Variants in ZNRF3 observed in about 807,000 individuals in gnomAD.
The protein encoded by ZNRF3 is zinc and ring finger 3, also known as E3 ubiquitin-protein ligase ZNRF3.
ZNRF3 carries 23 observed loss-of-function variants against 72.5 expected under a neutral mutation model. That is an observed-to-expected ratio of 0.32 (90% CI 0.23 to 0.45). The LOEUF is 0.45. Among genes scored for constraint, ZNRF3 ranks in the 20% least tolerant of loss-of-function variants. ZNRF3 has a pLI of 1.00. For missense variants in ZNRF3, 1,169 were observed against 1,272.1 expected (o/e 0.92, Z 1.23); for synonymous variants, 610 against 545.3 (o/e 1.12, Z -1.65).
At chr22:29,040,125 T>C (rs892190296) in intron 2 of ZNRF3, among the ~76,000 whole-genome samples, 2 of 151,628 alleles carry the variant, frequency 1.3e-5, no homozygotes, top group African/African-American at 4.8e-5. Flanking sequence ...TGACCAAGGC[T>C]GGGAATTTAG....
intron 1 of ZNRF3, among the ~76,000 whole-genome samples, chr22:28,945,151 A>G (rs993554318): frequency 3.5e-5 from 5 of 142,762 alleles, no homozygotes; most frequent in Admixed American, 2.7e-4. Flanking sequence ...CCCTGTCTCA[A>G]AAAAAAAAAA....
At chr22:29,044,701 G>T in intron 4 of ZNRF3, 79 bp from the exon 5 acceptor site, 1 of 1,001,072 alleles carries the variant, frequency 1.0e-6, no homozygotes, top group South Asian at 1.3e-5. Flanking sequence ...TCTTTATCCT[G>T]ACAAAGCCAA....
chr22:28,951,379 G>C (rs189597721), intron 1 of ZNRF3, among the ~76,000 whole-genome samples: 11 of 152,198 alleles, frequency 7.2e-5, no homozygotes, highest in Admixed American at 7.2e-4. Flanking sequence ...TTATTAAAAG[G>C]GGAAATCTGG....
At chr22:28,974,092 G>A (rs1449975645) in intron 1 of ZNRF3, among the ~76,000 whole-genome samples, 1 of 151,810 alleles carries the variant, frequency 6.6e-6, no homozygotes, top group Non-Finnish European at 1.5e-5. Flanking sequence ...CGAGTAGCTG[G>A]GACTACAGGC....
In ZNRF3 at chr22:28,883,803, GGCCGCCGCC is replaced by G. The variant is rs889171200; in HGVS notation, c.47_55del (p.Arg16_Arg18del). 7.2e-6 allele frequency: 7 copies of G among 978,622 alleles called. No individual in the cohort carries two copies. The highest frequency in any genetic ancestry group is 5.3e-4 in the Middle Eastern group (1 of 1,894). The allele number at this position is 978,622 out of a possible 1,614,324, so 60.6% of individuals were successfully genotyped here. A position where few individuals can be genotyped will look rare whatever the true frequency, so the allele number is the denominator to read the frequency against. On this transcript the variant is annotated inframe_deletion, in exon 1 of 9. Transcript: ENST00000544604. This position sits in a 1 kb window ranked among gnomAD's most constrained non-coding sequence, Gnocchi z 5.5. ...CTCGGGCGGGCGCCCAGGGGCCACGGGCCGCCGCCGCCGCCGCCTGCGCCGCCGCCCCCG... is the reference window on the plus strand; with the variant it reads ...CTCGGGCGGGCGCCCAGGGGCCACGGGCCGCCGCCTGCGCCGCCGCCCCCG...
intron 1 of ZNRF3, among the ~76,000 whole-genome samples, chr22:28,906,562 C>T (rs897787781): frequency 1.1e-4 from 16 of 152,122 alleles, no homozygotes; most frequent in African/African-American, 3.4e-4. Context: ...ATAGCTTGTA[C>T]GACCAAAAGA....
chr22:29,001,229 C>T (rs935389031), intron 2 of ZNRF3, among the ~76,000 whole-genome samples: 6 of 151,332 alleles, frequency 4.0e-5, no homozygotes, highest in Admixed American at 2.0e-4. Context: ...CCACCACACC[C>T]GGCTAATTTT....
chr22:28,985,710 C>T (rs917122612), intron 1 of ZNRF3, among the ~76,000 whole-genome samples: 5 of 152,168 alleles, frequency 3.3e-5, no homozygotes, highest in Admixed American at 3.3e-4. Flanking sequence ...TTGGAAAAGC[C>T]ACTTATCTTG....
At chr22:28,949,611 C>CT (rs996623006) in intron 1 of ZNRF3, among the ~76,000 whole-genome samples, 16 of 152,314 alleles carry the variant, frequency 1.1e-4, no homozygotes, top group African/African-American at 3.6e-4. Context: ...AGAAAAGTCT[C>CT]TAAGTATCAG....
chr22:28,893,005 A>AG (rs2033919217), intron 1 of ZNRF3, among the ~76,000 whole-genome samples: 1 of 151,960 alleles, frequency 6.6e-6, no homozygotes, highest in South Asian at 2.1e-4. Flanking sequence ...GTCTCTACTA[A>AG]AGATACAAAA....
chr22:29,049,247 C>T lies in ZNRF3; in HGVS notation c.1066C>T (p.Arg356Cys). Residue 356 changes from arginine (R) to cysteine (C), a missense_variant, in exon 8 of 9, where the codon CGT becomes TGT. By Grantham distance (180) the Arg-to-Cys change is radical (BLOSUM62 -3). This residue lies in a region of ZNRF3 where 386 missense variants were observed against 540.7 expected (regional missense o/e 0.71). Coordinates refer to ENST00000544604, the MANE Select transcript of ZNRF3 (RefSeq NM_001206998.2). The surrounding 1 kb of genome is among the most constrained non-coding windows in gnomAD (Gnocchi z 5.2). The part of the protein sequence containing the change: ...AVCVETSNLS[R>C]GRQQRVTLPV... Reference sequence around the variant, plus strand: ...GTGTGTGGAGACCAGCAACCTCTCACGTGGTCGGCAGCAGAGGGTGACCCT... The same window carrying T: ...GTGTGTGGAGACCAGCAACCTCTCATGTGGTCGGCAGCAGAGGGTGACCCT... 2.5e-6 allele frequency: 4 copies of T among 1,613,012 alleles called. No individual in the cohort carries two copies. The highest frequency in any genetic ancestry group is 3.4e-6 in the Non-Finnish European group (4 of 1,179,398).
chr22:28,918,811 C>G (rs2123766729), intron 1 of ZNRF3, among the ~76,000 whole-genome samples: 1 of 141,518 alleles, frequency 7.1e-6, no homozygotes, highest in African/African-American at 2.5e-5. Flanking sequence ...GATCCCATCT[C>G]TGATTCAGGT....
chr22:28,943,550 C>T (rs1160552524), intron 1 of ZNRF3, among the ~76,000 whole-genome samples: 3 of 151,974 alleles, frequency 2.0e-5, no homozygotes, highest in Non-Finnish European at 4.4e-5. Context: ...ATATTAGTGC[C>T]GAATCAAACA....
chr22:28,890,988 C>T (rs1386857642), intron 1 of ZNRF3, among the ~76,000 whole-genome samples: 1 of 152,112 alleles, frequency 6.6e-6, no homozygotes, highest in Non-Finnish European at 1.5e-5. Flanking sequence ...CACTCCTGGC[C>T]TCAAGTGATC....
chr22:28,967,850 A>G lies in ZNRF3; in HGVS notation c.301-19226A>G, dbSNP rs547581152. 1.9e-3 allele frequency among the ~76,000 whole-genome samples: 283 copies of G among 149,502 alleles called. 1 individual carries two copies. The highest frequency in any genetic ancestry group is 2.0e-3 in the Non-Finnish European group (136 of 67,464). ...TGAGGCAGGAGGATCGCTTGAGCCC[A>G]GGGGGGTTGAGGCTACAGTGAGCTG... On this transcript the variant is annotated intron_variant, in intron 1 of 8. Coordinates refer to ENST00000544604, the MANE Select transcript of ZNRF3 (RefSeq NM_001206998.2).
At chr22:28,978,686 G>A (rs1295574532) in intron 1 of ZNRF3, among the ~76,000 whole-genome samples, 1 of 152,166 alleles carries the variant, frequency 6.6e-6, no homozygotes, top group African/African-American at 2.4e-5. Flanking sequence ...ATAAAAAAGA[G>A]CATTATCTTG....
intron 1 of ZNRF3, among the ~76,000 whole-genome samples, chr22:28,973,260 G>A (rs1003553987): frequency 6.6e-6 from 1 of 152,186 alleles, no homozygotes; most frequent in African/African-American, 2.4e-5. Flanking sequence ...GATTACAGGT[G>A]TGAGCCATGG....
rs16986954 is a variant in ZNRF3 at position 29,009,022 on chromosome 22, G to A, written c.426+21821G>A. ...GCTCTGGTTGCCCTGGTCCCTTGATGTTCAGCAAGCAGCTTTGCAGTGCCC... is the reference window on the plus strand; with the variant it reads ...GCTCTGGTTGCCCTGGTCCCTTGATATTCAGCAAGCAGCTTTGCAGTGCCC... On this transcript the variant is annotated intron_variant, in intron 2 of 8. Coordinates refer to ENST00000544604, the MANE Select transcript of ZNRF3 (RefSeq NM_001206998.2). Among the ~76,000 whole-genome samples the A allele has an allele frequency of 8.4e-3, 1,280 of 152,270 alleles. 16 individuals carry two copies. Among genetic ancestry groups the A allele is most frequent in the African/African-American group, 0.03 (1,226 of 41,544 alleles).
At chr22:29,011,714 G>C (rs376105163) in intron 2 of ZNRF3, among the ~76,000 whole-genome samples, 1 of 152,222 alleles carries the variant, frequency 6.6e-6, no homozygotes, top group South Asian at 2.1e-4. Context: ...AGCCTGAACC[G>C]AGGAACCAAC....
Sources: allele counts gnomAD v4.1 joint callset (sites outside exome capture counted in the v4.1 genomes callset), GRCh38; gene constraint gnomAD v4.1.1; regional missense constraint gnomAD v4.1.1; non-coding constraint Gnocchi (gnomAD v3.1); transcripts MANE v1.5; gene names NCBI Gene and HGNC (gene_info 2026-07-23, HGNC 2026-07-21).